CACNB4: variants seen among roughly 807,000 people sequenced by gnomAD.
CACNB4 encodes the protein voltage-dependent L-type calcium channel subunit beta-4.
In CACNB4, 32 loss-of-function variants were observed where a neutral mutation model predicts 71.2. The observed-to-expected ratio is 0.45, with a 90% CI of 0.34 to 0.60. The LOEUF is 0.60. CACNB4 is among the 20% of genes least tolerant of loss of function. The probability of loss-of-function intolerance (pLI) is 0.01; values close to 1 mark genes in which losing one functional copy is unlikely to be tolerated. For missense variants in CACNB4, 464 were observed against 647.9 expected, an observed-to-expected ratio of 0.72 and a Z score of 3.08; for synonymous variants, 231 against 236.9, an observed-to-expected ratio of 0.97 and a Z score of 0.23.
chr2:152,002,725 C>T (rs1283799702), intron 2 of CACNB4, among the ~76,000 whole-genome samples: 1 of 152,164 alleles, frequency 6.6e-6, no homozygotes, highest in Non-Finnish European at 1.5e-5. Flanking sequence ...TTCAAATGTG[C>T]AGTATGGCTA....
At chr2:152,097,771 G>C (rs1688351201) in intron 2 of CACNB4, among the ~76,000 whole-genome samples, 1 of 152,174 alleles carries the variant, frequency 6.6e-6, no homozygotes, top group East Asian at 1.9e-4. Flanking sequence ...ACCAGATACA[G>C]CTGTCTTTCC....
In CACNB4 at chr2:152,067,494, A is replaced by T. The variant is rs554179789; in HGVS notation, c.147+30836T>A. 5.9e-5 allele frequency among the ~76,000 whole-genome samples: 9 copies of T among 152,146 alleles called. No homozygotes were observed. The South Asian group carries it at 1.9e-3, about 32-fold the overall frequency. On this transcript the variant is annotated intron_variant, in intron 2 of 13. Coordinates refer to ENST00000539935, the MANE Select transcript of CACNB4 (RefSeq NM_000726.5). ...CCAAAGTGCTGAGATTACAGGTATGAGCCAATGTGCCCAGCCTGATAATGT... is the reference window on the plus strand; with the variant it reads ...CCAAAGTGCTGAGATTACAGGTATGTGCCAATGTGCCCAGCCTGATAATGT...
At chr2:151,895,096 C>CCCCACA (rs762464510) in intron 2 of CACNB4, among the ~76,000 whole-genome samples, 464 of 22,336 alleles carry the variant, frequency 0.021, 16 homozygotes, top group Non-Finnish European at 0.08. Flanking sequence ...TCAAATAGCC[C>CCCCACA]CACACACACA....
chr2:151,999,635 G>A (rs998629277), intron 2 of CACNB4, among the ~76,000 whole-genome samples: 1 of 152,148 alleles, frequency 6.6e-6, no homozygotes, highest in Non-Finnish European at 1.5e-5. Context: ...GAGAGCCAAT[G>A]TGTTAATCCT....
intron 2 of CACNB4, among the ~76,000 whole-genome samples, chr2:152,050,863 C>A (rs1019017235): frequency 2.0e-5 from 3 of 152,106 alleles, no homozygotes; most frequent in Non-Finnish European, 4.4e-5. Context: ...CGATCTCGAT[C>A]TACCGGGTTC....
chr2:151,878,584 T>C (rs975571973), intron 4 of CACNB4, among the ~76,000 whole-genome samples: 6 of 28,722 alleles, frequency 2.1e-4, no homozygotes, highest in Admixed American at 8.6e-4. Flanking sequence ...CACACACAGT[T>C]AGCTGGGTAT....
At chr2:152,012,867 G>T (rs1351373058) in intron 2 of CACNB4, among the ~76,000 whole-genome samples, 9 of 152,004 alleles carry the variant, frequency 5.9e-5, no homozygotes, top group Middle Eastern at 3.4e-3. Flanking sequence ...GGACAGTAAT[G>T]TCCCTGGCAT....
chr2:151,929,099 G>T (rs531251055), intron 2 of CACNB4, among the ~76,000 whole-genome samples: 2 of 151,946 alleles, frequency 1.3e-5, no homozygotes, highest in Admixed American at 6.6e-5. Context: ...TCCATCTAAG[G>T]CTGAAAAGCC....
intron 2 of CACNB4, among the ~76,000 whole-genome samples, chr2:151,896,388 C>T (rs1233757733): frequency 1.3e-5 from 2 of 152,164 alleles, no homozygotes; most frequent in East Asian, 1.9e-4. Context: ...GCACATGCTG[C>T]CTCACCAGCA....
At chr2:152,020,668 G>A (rs538971632) in intron 2 of CACNB4, among the ~76,000 whole-genome samples, 17 of 152,286 alleles carry the variant, frequency 1.1e-4, no homozygotes, top group African/African-American at 4.1e-4. Flanking sequence ...TCAGAGGACA[G>A]GGAAAGACTG....
At chr2:151,887,294 A>G (rs573492063) in intron 2 of CACNB4, among the ~76,000 whole-genome samples, 133 of 152,282 alleles carry the variant, frequency 8.7e-4, no homozygotes, top group Admixed American at 1.4e-3. Flanking sequence ...TGTAAGAAAC[A>G]TGACAGGGAC....
At chr2:152,014,388 C>T (rs565212381) in intron 2 of CACNB4, among the ~76,000 whole-genome samples, 35 of 151,910 alleles carry the variant, frequency 2.3e-4, no homozygotes, top group African/African-American at 8.5e-4. Flanking sequence ...CAGTACAGGC[C>T]TCTTTCTAAA....
At chr2:151,926,136 T>C (rs1397445643) in intron 2 of CACNB4, among the ~76,000 whole-genome samples, 3 of 152,154 alleles carry the variant, frequency 2.0e-5, no homozygotes, top group Non-Finnish European at 4.4e-5. Flanking sequence ...AGAATGTATA[T>C]AGGCAGAAAG....
chr2:152,096,254 T>C lies in CACNB4; in HGVS notation c.147+2076A>G, dbSNP rs570919222. ...ATCCCAGCACTTTGGGAGGATGAGG[T>C]GGGCAGATCACGAGGTCAGGAGATA... On this transcript the variant is annotated intron_variant, in intron 2 of 13. Coordinates refer to ENST00000539935, the MANE Select transcript of CACNB4 (RefSeq NM_000726.5). Among the ~76,000 whole-genome samples the C allele has an allele frequency of 1.5e-4, 23 of 152,042 alleles. No homozygotes were observed. In the East Asian group the frequency reaches 1.8e-3, roughly 12 times the overall value.
intron 2 of CACNB4, among the ~76,000 whole-genome samples, chr2:151,884,969 G>A (rs13394165): frequency 0.22 from 33,832 of 152,194 alleles, 3,994 homozygotes; most frequent in Middle Eastern, 0.39. Context: ...TTAAGAAATA[G>A]TTGACTGCTG....
intron 2 of CACNB4, among the ~76,000 whole-genome samples, chr2:152,018,173 A>C (rs1315517770): frequency 1.3e-5 from 2 of 152,174 alleles, no homozygotes; most frequent in East Asian, 3.9e-4. Context: ...AGTTTTCAAA[A>C]TCACAGAAGA....
intron 3 of CACNB4, chr2:151,882,844 A>G: frequency 4.0e-6 from 1 of 249,762 alleles, no homozygotes. Flanking sequence ...GCGAGAGAGA[A>G]GAGTAGAGAA....
intron 2 of CACNB4, among the ~76,000 whole-genome samples, chr2:152,077,016 T>C (rs1228235345): frequency 2.0e-5 from 3 of 152,024 alleles, no homozygotes; most frequent in Non-Finnish European, 2.9e-5. Context: ...AAAGGTAATG[T>C]TTGGGTTGGG....
At chr2:151,986,814 G>A (rs971579747) in intron 2 of CACNB4, among the ~76,000 whole-genome samples, 4 of 152,190 alleles carry the variant, frequency 2.6e-5, no homozygotes, top group Non-Finnish European at 4.4e-5. Flanking sequence ...CTTGGACTGA[G>A]TGCCACCTCC....
Sources: gnomAD v4.1 joint callset for allele counts (sites outside exome capture counted in the v4.1 genomes callset) on GRCh38, gnomAD v4.1.1 for gene constraint, MANE v1.5 for transcripts, NCBI Gene and HGNC (gene_info 2026-07-23, HGNC 2026-07-21) for gene names.